Variants in PLEKHD1 observed in about 807,000 individuals in gnomAD.
PLEKHD1 encodes the protein pleckstrin homology and coiled-coil domain containing D1, also known as pleckstrin homology domain-containing family D member 1.
In PLEKHD1, 51 loss-of-function variants were observed where a neutral mutation model predicts 69.2. The ratio of observed to expected loss-of-function variants is 0.74; its 90% CI spans 0.59 to 0.93. PLEKHD1 has a LOEUF of 0.93. PLEKHD1 is among the 40% of genes least tolerant of loss of function. The probability of loss-of-function intolerance (pLI) is 0.00; values close to 1 mark genes in which losing one functional copy is unlikely to be tolerated. For missense variants in PLEKHD1, 584 were observed against 641.0 expected (o/e 0.91, Z 0.96); for synonymous variants, 236 against 244.7 (o/e 0.96, Z 0.33).
intron 6 of PLEKHD1, among the ~76,000 whole-genome samples, chr14:69,512,132 CTTTCAAGGAGTTGGTCCA>C (rs1883284631): frequency 6.6e-6 from 1 of 152,168 alleles, no homozygotes; most frequent in Non-Finnish European, 1.5e-5. Flanking sequence ...CAGATTGTAT[CTTTCAAGGAGTTGGTCCA>C]TTTCATCTGA....
intron 6 of PLEKHD1, among the ~76,000 whole-genome samples, chr14:69,513,204 G>A (rs1023839614): frequency 2.0e-5 from 3 of 150,200 alleles, no homozygotes; most frequent in African/African-American, 4.9e-5. Flanking sequence ...GGGTGGCAGA[G>A]GAAGACTCCA....
At chr14:69,521,185 G>A (rs535391391) in intron 6 of PLEKHD1, among the ~76,000 whole-genome samples, 1 of 152,212 alleles carries the variant, frequency 6.6e-6, no homozygotes, top group African/African-American at 2.4e-5. Flanking sequence ...AGCAGTCTTG[G>A]TGGTGACAAC....
chr14:69,527,596 C>T (rs1387412815), intron 11 of PLEKHD1, among the ~76,000 whole-genome samples, 187 bp from the exon 12 acceptor site: 1 of 152,226 alleles, frequency 6.6e-6, no homozygotes, highest in African/African-American at 2.4e-5. Context: ...GCAGACGTGC[C>T]CTGAGATGGC....
intron 1 of PLEKHD1, among the ~76,000 whole-genome samples, chr14:69,486,120 C>A (rs548839063): frequency 2.6e-5 from 4 of 152,260 alleles, no homozygotes; most frequent in Admixed American, 1.3e-4. Flanking sequence ...GGAGGTGTGA[C>A]CCTTCCAGGA....
intron 6 of PLEKHD1, among the ~76,000 whole-genome samples, chr14:69,511,139 TTTTG>T (rs140435936): frequency 0.045 from 6,846 of 152,168 alleles, 207 homozygotes; most frequent in South Asian, 0.17. Flanking sequence ...GTTTTCTTTG[TTTTG>T]TTTGTTTGTT....
At chr14:69,488,450 T>G (rs1347712624) in intron 1 of PLEKHD1, among the ~76,000 whole-genome samples, 2 of 152,200 alleles carry the variant, frequency 1.3e-5, no homozygotes, top group Non-Finnish European at 2.9e-5. Flanking sequence ...TCTCACTTTC[T>G]GGCACCCCTG....
intron 1 of PLEKHD1, among the ~76,000 whole-genome samples, chr14:69,486,688 G>C (rs990146041): frequency 4.4e-4 from 67 of 152,276 alleles, no homozygotes; most frequent in African/African-American, 1.5e-3. Context: ...TCTCTTGCCA[G>C]ACATTTTCAC....
At chr14:69,509,607 A>G (rs1280398065) in intron 6 of PLEKHD1, among the ~76,000 whole-genome samples, 5 of 151,448 alleles carry the variant, frequency 3.3e-5, no homozygotes, top group Non-Finnish European at 7.4e-5. Context: ...TTTCTTTTGC[A>G]TGTGGCTGTC....
chr14:69,489,048 A>G (rs1054606943), intron 1 of PLEKHD1, among the ~76,000 whole-genome samples: 1 of 152,194 alleles, frequency 6.6e-6, no homozygotes, highest in South Asian at 2.1e-4. Context: ...TACCCAGACC[A>G]GGTCTGCCAA....
At chr14:69,512,675 G>A (rs1420276605) in intron 6 of PLEKHD1, among the ~76,000 whole-genome samples, 1 of 152,054 alleles carries the variant, frequency 6.6e-6, no homozygotes, top group Non-Finnish European at 1.5e-5. Flanking sequence ...TAATCTTCAA[G>A]TATTTTGTGG....
the PLEKHD1 span, among the ~76,000 whole-genome samples, chr14:69,478,219 C>G: frequency 1.3e-5 from 2 of 152,332 alleles, no homozygotes; most frequent in Non-Finnish European, 2.9e-5. Flanking sequence ...TCAGCCCTGG[C>G]TGGAGTGGCT....
intron 5 of PLEKHD1, chr14:69,502,027 T>C (rs1406617896): frequency 4.1e-6 from 2 of 489,162 alleles, no homozygotes; most frequent in African/African-American, 3.9e-5. Flanking sequence ...GAGCGTCTGA[T>C]GGTTAAGAGC....
intron 6 of PLEKHD1, among the ~76,000 whole-genome samples, chr14:69,512,626 T>G (rs1055616369): frequency 4.6e-5 from 7 of 152,236 alleles, no homozygotes; most frequent in African/African-American, 1.7e-4. Context: ...CTCTTGATAT[T>G]TCTTCTTTGA....
intron 1 of PLEKHD1, among the ~76,000 whole-genome samples, chr14:69,499,906 A>T (rs1290942103): frequency 6.6e-6 from 1 of 151,976 alleles, no homozygotes; most frequent in African/African-American, 2.4e-5. Flanking sequence ...CCAGCTGGCC[A>T]CCTGTGCAGG....
intron 1 of PLEKHD1, among the ~76,000 whole-genome samples, chr14:69,489,831 A>C (rs996175810): frequency 1.3e-5 from 2 of 151,870 alleles, no homozygotes; most frequent in Non-Finnish European, 2.9e-5. Flanking sequence ...CACTTCAAGC[A>C]ATACCTCTGC....
At chr14:69,524,877 C>T (rs111354846) in intron 8 of PLEKHD1, among the ~76,000 whole-genome samples, 5 of 152,142 alleles carry the variant, frequency 3.3e-5, no homozygotes, top group African/African-American at 1.2e-4. Context: ...CTTCACTGCT[C>T]CTCCATGCCC....
At chr14:69,522,981 T>G (rs1883554741) in intron 7 of PLEKHD1, among the ~76,000 whole-genome samples, 6 of 152,166 alleles carry the variant, frequency 3.9e-5, no homozygotes, top group Admixed American at 3.3e-4. Context: ...TCACCCAGGC[T>G]GGAGTGCAGT....
At chr14:69,505,960 G>A (rs1883142972) in intron 6 of PLEKHD1, among the ~76,000 whole-genome samples, 1 of 152,200 alleles carries the variant, frequency 6.6e-6, no homozygotes, top group African/African-American at 2.4e-5. Context: ...AGTTGTGAGA[G>A]CTCAGCCATG....
intron 6 of PLEKHD1, among the ~76,000 whole-genome samples, chr14:69,505,583 G>A (rs1469853172): frequency 2.0e-5 from 3 of 152,176 alleles, no homozygotes; most frequent in Non-Finnish European, 4.4e-5. Context: ...GTGATGTTGG[G>A]CATGTCAGTT....
Sources: allele counts gnomAD v4.1 joint callset (sites outside exome capture counted in the v4.1 genomes callset), GRCh38; gene constraint gnomAD v4.1.1; transcripts MANE v1.5; gene names NCBI Gene and HGNC (gene_info 2026-07-23, HGNC 2026-07-21).